THSD7B: variants seen among roughly 807,000 people sequenced by gnomAD.
The protein encoded by THSD7B is thrombospondin type 1 domain containing 7B, also known as thrombospondin type-1 domain-containing protein 7B.
In THSD7B, 138 loss-of-function variants were observed where a neutral mutation model predicts 213.6. That is an observed-to-expected ratio of 0.65 (90% confidence interval 0.56 to 0.74). The LOEUF (loss-of-function observed/expected upper bound fraction) is 0.74, where lower values mean the gene tolerates loss of function less well. Among genes scored for constraint, THSD7B ranks in the 30% least tolerant of loss-of-function variants. The probability of loss-of-function intolerance (pLI) is 0.00; values close to 1 mark genes in which losing one functional copy is unlikely to be tolerated. For missense variants in THSD7B, 1,931 were observed against 1,991.5 expected (o/e 0.97, Z 0.58); for synonymous variants, 742 against 687.0 (o/e 1.08, Z -1.25).
At chr2:137,543,793 A>T (rs1359034028) in intron 15 of THSD7B, among the ~76,000 whole-genome samples, 2 of 151,784 alleles carry the variant, frequency 1.3e-5, no homozygotes, top group Non-Finnish European at 2.9e-5. Flanking sequence ...TCTGATTAAT[A>T]AATGGGCTCA....
intron 6 of THSD7B, among the ~76,000 whole-genome samples, chr2:137,163,830 T>C (rs923301316): frequency 6.6e-6 from 1 of 152,138 alleles, no homozygotes; most frequent in Admixed American, 6.6e-5. Flanking sequence ...TGTCAAGAAG[T>C]AAGGTAATTT....
At chr2:137,536,741 T>G (rs1200312343) in intron 15 of THSD7B, among the ~76,000 whole-genome samples, 1 of 151,704 alleles carries the variant, frequency 6.6e-6, no homozygotes, top group Non-Finnish European at 1.5e-5. Context: ...CACATCATAA[T>G]ACATTCAAAT....
chr2:137,640,862 A>G (rs1682926270), intron 20 of THSD7B, among the ~76,000 whole-genome samples: 2 of 152,238 alleles, frequency 1.3e-5, no homozygotes, highest in South Asian at 2.1e-4. Flanking sequence ...GTGAAGTACC[A>G]TGTTAGGCAC....
chr2:136,852,876 C>T (rs1475795507), intron 1 of THSD7B, among the ~76,000 whole-genome samples: 1 of 152,070 alleles, frequency 6.6e-6, no homozygotes, highest in African/African-American at 2.4e-5. Flanking sequence ...TGTGTTTTGG[C>T]ATTTCCATTA....
intron 17 of THSD7B, among the ~76,000 whole-genome samples, chr2:137,610,961 G>A (rs1426591351): frequency 6.8e-6 from 1 of 148,052 alleles, no homozygotes; most frequent in Non-Finnish European, 1.5e-5. Flanking sequence ...GGGTACATGT[G>A]CACTACATGT....
chr2:137,239,853 C>T (rs902111405), intron 9 of THSD7B, among the ~76,000 whole-genome samples: 9 of 152,270 alleles, frequency 5.9e-5, no homozygotes, highest in African/African-American at 1.7e-4. Context: ...GCTGAAAGTC[C>T]GTGATCAGGG....
intron 12 of THSD7B, among the ~76,000 whole-genome samples, chr2:137,334,984 G>A (rs946186260): frequency 1.3e-5 from 2 of 152,128 alleles, no homozygotes; most frequent in Non-Finnish European, 2.9e-5. Flanking sequence ...CCTGTCAAGA[G>A]GTGACTTCTG....
chr2:137,033,013 G>A (rs1686704638), intron 2 of THSD7B, among the ~76,000 whole-genome samples: 2 of 152,140 alleles, frequency 1.3e-5, no homozygotes, highest in Non-Finnish European at 2.9e-5. Flanking sequence ...TTAAACAGAG[G>A]ATACTGGGCA....
chr2:137,001,847 C>T (rs1164755227), intron 2 of THSD7B, among the ~76,000 whole-genome samples: 2 of 152,154 alleles, frequency 1.3e-5, no homozygotes, highest in African/African-American at 4.8e-5. Flanking sequence ...ACTTTTCTGA[C>T]TTTTAATTGC....
At chr2:137,405,936 T>C (rs1686507790) in intron 13 of THSD7B, 129 bp downstream of exon 13, 1 of 736,080 alleles carries the variant, frequency 1.4e-6, no homozygotes, top group Non-Finnish European at 2.1e-6. Flanking sequence ...CGTTAATACA[T>C]ATCCTCAAAC....
intron 2 of THSD7B, among the ~76,000 whole-genome samples, chr2:137,038,203 A>G (rs1004902186): frequency 1.4e-4 from 21 of 152,170 alleles, no homozygotes; most frequent in African/African-American, 5.1e-4. Context: ...AGAATGTTTC[A>G]TGGTTTTTGA....
At chr2:137,627,518 A>C (rs1016750560) in intron 20 of THSD7B, among the ~76,000 whole-genome samples, 3 of 152,208 alleles carry the variant, frequency 2.0e-5, no homozygotes, top group Admixed American at 6.5e-5. Flanking sequence ...ACTGGCAATA[A>C]GTTATGGACT....
intron 2 of THSD7B, among the ~76,000 whole-genome samples, chr2:136,957,437 GTT>G (rs34483995): frequency 3.8e-5 from 5 of 129,976 alleles, no homozygotes; most frequent in African/African-American, 6.8e-5. Context: ...CCAATACAAC[GTT>G]TTTTTTTTTT....
intron 15 of THSD7B, among the ~76,000 whole-genome samples, chr2:137,534,018 GCACACACA>G (rs1158544636): frequency 6.2e-5 from 7 of 113,484 alleles, no homozygotes; most frequent in South Asian, 3.0e-4. Context: ...GTGTGTGCGC[GCACACACA>G]CACACACACA....
chr2:137,489,679 A>G (rs1447220046), intron 15 of THSD7B, among the ~76,000 whole-genome samples: 2 of 152,200 alleles, frequency 1.3e-5, no homozygotes, highest in African/African-American at 4.8e-5. Flanking sequence ...AATTTGAATG[A>G]TTAAAAAGAG....
At chr2:137,383,150 C>G (rs1161391176) in intron 12 of THSD7B, among the ~76,000 whole-genome samples, 3 of 152,200 alleles carry the variant, frequency 2.0e-5, no homozygotes, top group Non-Finnish European at 4.4e-5. Context: ...AGCCATGTGA[C>G]AAGACCTGTA....
chr2:137,642,847 A>G (rs1488666614), intron 21 of THSD7B, among the ~76,000 whole-genome samples: 1 of 152,124 alleles, frequency 6.6e-6, no homozygotes, highest in Non-Finnish European at 1.5e-5. Context: ...TTCATTAAGC[A>G]CTGATTATAA....
intron 14 of THSD7B, among the ~76,000 whole-genome samples, chr2:137,425,680 A>T (rs56330219): frequency 0.084 from 12,850 of 152,172 alleles, 1,150 homozygotes; most frequent in African/African-American, 0.22. Flanking sequence ...GATTGTATTT[A>T]AAAAAGTCAA....
At chr2:137,288,122 A>G (rs149887378) in intron 12 of THSD7B, among the ~76,000 whole-genome samples, 1 of 152,184 alleles carries the variant, frequency 6.6e-6, no homozygotes, top group African/African-American at 2.4e-5. Context: ...ATTTCTAAAG[A>G]GAACAGAAGG....
Sources: gnomAD v4.1 joint callset for allele counts (sites outside exome capture counted in the v4.1 genomes callset) on GRCh38, gnomAD v4.1.1 for gene constraint, MANE v1.5 for transcripts, NCBI Gene and HGNC (gene_info 2026-07-23, HGNC 2026-07-21) for gene names.